ACTR3B: variants seen among roughly 807,000 people sequenced by gnomAD.
ACTR3B encodes the protein actin related protein 3B, also known as actin-related protein 3B.
ACTR3B carries 8 observed loss-of-function variants against 59.0 expected under a neutral mutation model. That is an observed-to-expected ratio of 0.14 (90% CI 0.08 to 0.24). ACTR3B has a LOEUF of 0.24. ACTR3B is among the 10% of genes least tolerant of loss of function. The pLI, the probability that ACTR3B is intolerant of heterozygous loss-of-function variation, is 1.00. For missense variants in ACTR3B, 245 were observed against 552.3 expected (o/e 0.44, Z 5.58); for synonymous variants, 148 against 197.9 (o/e 0.75, Z 2.12).
intron 4 of ACTR3B, among the ~76,000 whole-genome samples, chr7:152,808,658 C>A (rs2098259907): frequency 6.6e-6 from 1 of 152,216 alleles, no homozygotes; most frequent in Admixed American, 6.5e-5. Flanking sequence ...TCTCCTGATA[C>A]TTCCCCACCT....
At position 152,815,208 on chromosome 7, in the gene ACTR3B, A is replaced by G. The variant is rs36057718; in HGVS notation, c.432+563A>G. On this transcript the variant is annotated intron_variant, in intron 5 of 11. Coordinates refer to ENST00000256001, the MANE Select transcript of ACTR3B (RefSeq NM_020445.6). Reference sequence around the variant, plus strand: ...GTTGCCCAAATGTTTTCTGCATAATACTAGTCACTTCTAAGGAGGAGGAGG... The same window carrying G: ...GTTGCCCAAATGTTTTCTGCATAATGCTAGTCACTTCTAAGGAGGAGGAGG... Among the ~76,000 whole-genome samples the G allele has an allele frequency of 3.9e-3, 587 of 152,252 alleles. 1 individual carries two copies. The highest frequency in any genetic ancestry group is 7.1e-3 in the Non-Finnish European group (483 of 68,018).
chr7:152,794,273 A>G (rs2116694831), intron 2 of ACTR3B, among the ~76,000 whole-genome samples: 1 of 152,308 alleles, frequency 6.6e-6, no homozygotes, highest in Middle Eastern at 3.4e-3. Flanking sequence ...GCTGGAGTGC[A>G]GTGGCGTGAT....
intron 1 of ACTR3B, among the ~76,000 whole-genome samples, chr7:152,768,023 C>A (rs1329161275): frequency 1.3e-5 from 2 of 152,192 alleles, no homozygotes; most frequent in Non-Finnish European, 2.9e-5. Context: ...GAATTTGAGA[C>A]CAGCTTGGCC....
rs1409167080 is a variant in ACTR3B at position 152,855,111 on chromosome 7, G to C, written c.*558G>C. ...AGTTTTTAATTGTGAGGCATGTTCT[G>C]ATATGTTTATAGGCAAACAAATAAA... On this transcript the variant is annotated 3_prime_UTR_variant, in exon 12 of 12. Coordinates refer to ENST00000256001, the MANE Select transcript of ACTR3B (RefSeq NM_020445.6). The C allele has an allele frequency of 6.5e-6, 1 of 153,110 alleles. No individual in the cohort carries two copies. The highest frequency in any genetic ancestry group is 1.5e-5 in the Non-Finnish European group (1 of 68,440). 9.5% of individuals were successfully genotyped at this position (153,110 alleles called of 1,614,324 possible).
intron 2 of ACTR3B, among the ~76,000 whole-genome samples, chr7:152,796,009 A>G (rs1264998364): frequency 1.3e-5 from 2 of 151,916 alleles, no homozygotes; most frequent in Admixed American, 6.6e-5. Flanking sequence ...ATGCCTGGCT[A>G]ATTTTTGTAT....
intron 1 of ACTR3B, among the ~76,000 whole-genome samples, chr7:152,762,754 T>A (rs1398383996): frequency 3.3e-5 from 5 of 152,220 alleles, no homozygotes; most frequent in Admixed American, 3.3e-4. Flanking sequence ...TAATTTAATC[T>A]GGAATAATTT....
chr7:152,815,593 C>T (rs35845326), intron 5 of ACTR3B, among the ~76,000 whole-genome samples: 2 of 152,196 alleles, frequency 1.3e-5, no homozygotes, highest in African/African-American at 4.8e-5. Flanking sequence ...TTGTGGGCGC[C>T]GCCGTGTGCA....
intron 9 of ACTR3B, among the ~76,000 whole-genome samples, chr7:152,843,155 TTCTTGGTG>T (rs1265248692): frequency 1.5e-4 from 23 of 152,250 alleles, no homozygotes; most frequent in African/African-American, 5.3e-4. Context: ...TCTTTTCATA[TTCTTGGTG>T]GTTTTTGAAG....
At chr7:152,799,035 A>G (rs1168029270) in intron 2 of ACTR3B, among the ~76,000 whole-genome samples, 1 of 152,186 alleles carries the variant, frequency 6.6e-6, no homozygotes, top group Non-Finnish European at 1.5e-5. Flanking sequence ...GAAGGATGCC[A>G]TTGGTATTTT....
At chr7:152,842,864 A>G (rs1262900031) in intron 9 of ACTR3B, among the ~76,000 whole-genome samples, 5 of 152,334 alleles carry the variant, frequency 3.3e-5, no homozygotes, top group African/African-American at 9.6e-5. Flanking sequence ...CCTCCCACCA[A>G]CAGTGTACAA....
intron 1 of ACTR3B, among the ~76,000 whole-genome samples, chr7:152,765,572 T>A (rs1023117619): frequency 2.0e-5 from 3 of 152,166 alleles, no homozygotes; most frequent in Non-Finnish European, 2.9e-5. Flanking sequence ...TGCTTTCATG[T>A]AAATTATGTA....
intron 1 of ACTR3B, among the ~76,000 whole-genome samples, chr7:152,782,670 A>C: frequency 6.8e-6 from 1 of 148,004 alleles, no homozygotes; most frequent in East Asian, 2.0e-4. Flanking sequence ...GCCGCCCCCC[A>C]CCCCGCAAAG....
At chr7:152,775,514 C>T (rs2098134250) in intron 1 of ACTR3B, among the ~76,000 whole-genome samples, 1 of 152,110 alleles carries the variant, frequency 6.6e-6, no homozygotes, top group South Asian at 2.1e-4. Flanking sequence ...AATCCCAGCA[C>T]TTTGGGAGGC....
At chr7:152,813,577 G>C (rs543854438) in intron 4 of ACTR3B, 2 of 152,248 alleles carry the variant, frequency 1.3e-5, no homozygotes, top group East Asian at 3.9e-4. Flanking sequence ...CTGTCACCCA[G>C]GTTGGAGTGC....
intron 9 of ACTR3B, among the ~76,000 whole-genome samples, chr7:152,838,516 C>T (rs1311859661): frequency 6.6e-6 from 1 of 151,844 alleles, no homozygotes; most frequent in Non-Finnish European, 1.5e-5. Flanking sequence ...AGGAGAACAC[C>T]ACACATCCGG....
chr7:152,852,989 C>T (rs1798945465), intron 10 of ACTR3B, among the ~76,000 whole-genome samples: 1 of 152,012 alleles, frequency 6.6e-6, no homozygotes, highest in African/African-American at 2.4e-5. Context: ...GATGGGGTTT[C>T]ACCGTGTTAG....
At position 152,853,577 on chromosome 7, in the gene ACTR3B, T is replaced by C. The variant is rs752768880; in HGVS notation, c.1161T>C (p.Thr387=). ...TCGGAGGCTCCATGCTGGCCTCGAC[T>C]GTAAGTCCCTCTCTCGAGGGCTCTG... ...VWFGGSMLAS[T]PEFFQVCHTK... Residue 387 remains threonine (T), a splice_region_variant and synonymous_variant, in exon 11 of 12, where the codon ACT becomes ACC. Transcript: ENST00000256001. The C allele has an allele frequency of 3.4e-5, 55 of 1,613,034 alleles. No homozygotes were observed. In the East Asian group the frequency reaches 1.2e-3, roughly 35 times the overall value.
chr7:152,843,190 A>C (rs1017621309), intron 9 of ACTR3B, among the ~76,000 whole-genome samples: 21 of 151,900 alleles, frequency 1.4e-4, no homozygotes, highest in Non-Finnish European at 2.4e-4. Context: ...AATGTATGGA[A>C]GCCCATTTAT....
intron 2 of ACTR3B, among the ~76,000 whole-genome samples, chr7:152,794,818 C>T (rs2116697448): frequency 6.6e-6 from 1 of 152,252 alleles, no homozygotes; most frequent in Non-Finnish European, 1.5e-5. Flanking sequence ...CTCATTTCAG[C>T]CCGTGTTTCC....
Sources: gnomAD v4.1 joint callset for allele counts (sites outside exome capture counted in the v4.1 genomes callset) on GRCh38, gnomAD v4.1.1 for gene constraint, MANE v1.5 for transcripts, NCBI Gene and HGNC (gene_info 2026-07-23, HGNC 2026-07-21) for gene names.